The following SMAP1 variants were observed in gnomAD, a reference collection of about 807,000 sequenced individuals.
The protein encoded by SMAP1 is stromal membrane-associated protein 1.
SMAP1 carries 24 observed loss-of-function variants against 58.5 expected under a neutral mutation model. That is an observed-to-expected ratio of 0.41 (90% confidence interval 0.30 to 0.58). The LOEUF (loss-of-function observed/expected upper bound fraction) is 0.58, where lower values mean the gene tolerates loss of function less well. Among genes scored for constraint, SMAP1 ranks in the 20% least tolerant of loss-of-function variants. The pLI, the probability that SMAP1 is intolerant of heterozygous loss-of-function variation, is 0.29. For synonymous variants in SMAP1, 216 were observed against 196.6 expected (o/e 1.10, Z -0.82); for missense variants, 563 against 566.3 (o/e 0.99, Z 0.06).
At chr6:70,704,010 T>G (rs1419703863) in intron 1 of SMAP1, among the ~76,000 whole-genome samples, 1 of 152,256 alleles carries the variant, frequency 6.6e-6, no homozygotes, top group Non-Finnish European at 1.5e-5. Context: ...TTAAAGTTGC[T>G]TTAGTCGATT....
At chr6:70,675,637 C>T (rs140649840) in intron 1 of SMAP1, among the ~76,000 whole-genome samples, 177 of 144,320 alleles carry the variant, frequency 1.2e-3, no homozygotes, top group African/African-American at 4.2e-3. Flanking sequence ...GGCAACAGAG[C>T]GAGACTCCAT....
At position 70,667,955 on chromosome 6, in the gene SMAP1, A is replaced by T; in HGVS notation, c.-69A>T. The stretch of plus-strand genomic sequence containing the variant: ...GGTCCCGGCGGCGCCAGGTGCGTTC[A>T]CTCTGCCCGGCTCCAGCCAGCGTCC... On this transcript the variant is annotated 5_prime_UTR_variant, in exon 1 of 11. Transcript: ENST00000370455. The T allele has an allele frequency of 2.1e-6, 3 of 1,402,718 alleles. No individual in the cohort carries two copies. Among genetic ancestry groups the T allele is most frequent in the Non-Finnish European group, 2.9e-6 (3 of 1,031,796 alleles). The allele number at this position is 1,402,718 out of a possible 1,614,324, so 86.9% of individuals were successfully genotyped here.
chr6:70,687,142 C>G (rs1309111482), intron 1 of SMAP1, among the ~76,000 whole-genome samples: 1 of 152,098 alleles, frequency 6.6e-6, no homozygotes, highest in Non-Finnish European at 1.5e-5. Flanking sequence ...TGGCTAGGAG[C>G]TAATGTATTG....
intron 2 of SMAP1, among the ~76,000 whole-genome samples, chr6:70,741,041 A>C (rs1267508152): frequency 5.9e-5 from 9 of 152,180 alleles, no homozygotes; most frequent in African/African-American, 2.2e-4. Flanking sequence ...CCCACAACAC[A>C]TGGGAATTAT....
chr6:70,783,638 A>G (rs150576321), intron 4 of SMAP1, among the ~76,000 whole-genome samples: 3,662 of 152,368 alleles, frequency 0.024, 66 homozygotes, highest in Non-Finnish European at 0.038. Context: ...CCAAGGCTCA[A>G]GAACTACATG....
chr6:70,799,700 T>C (rs2149954044), intron 6 of SMAP1, among the ~76,000 whole-genome samples: 1 of 152,330 alleles, frequency 6.6e-6, no homozygotes, highest in Admixed American at 6.5e-5. Flanking sequence ...ACATTTGGAT[T>C]ATATACAGGT....
intron 2 of SMAP1, among the ~76,000 whole-genome samples, chr6:70,751,146 A>G (rs1377984605): frequency 6.6e-6 from 1 of 152,142 alleles, no homozygotes; most frequent in African/African-American, 2.4e-5. Flanking sequence ...AGGCTGAGGC[A>G]GGAGAATCAC....
intron 7 of SMAP1, among the ~76,000 whole-genome samples, chr6:70,844,753 CAT>C (rs1294874540): frequency 2.6e-5 from 4 of 152,092 alleles, no homozygotes; most frequent in Admixed American, 2.0e-4. Flanking sequence ...TAAAATAAGA[CAT>C]GTGAGTTGAT....
chr6:70,825,511 G>GCTAC (rs553472065), intron 6 of SMAP1, among the ~76,000 whole-genome samples: 1 of 152,018 alleles, frequency 6.6e-6, no homozygotes, highest in African/African-American at 2.4e-5. Context: ...TATAGCTGTA[G>GCTAC]GTATAGCCAC....
intron 1 of SMAP1, among the ~76,000 whole-genome samples, chr6:70,692,365 A>G (rs1767206388): frequency 6.6e-6 from 1 of 152,148 alleles, no homozygotes; most frequent in African/African-American, 2.4e-5. Context: ...GTTTGTAAAT[A>G]TCTTATCTTA....
rs199990479 is a variant in SMAP1 at position 70,861,787 on chromosome 6, C to T, written c.*1453C>T. 1.7e-5 allele frequency: 27 copies of T among 1,614,050 alleles called. No individual in the cohort carries two copies. The African/African-American group carries it at 3.2e-4, about 19-fold the overall frequency. ...GAAATAGCTTGGGTAGCGCACTCTTCATGGTGACACTCGAGGTCGGGCAGC... is the reference window on the plus strand; with the variant it reads ...GAAATAGCTTGGGTAGCGCACTCTTTATGGTGACACTCGAGGTCGGGCAGC... On this transcript the variant is annotated 3_prime_UTR_variant, in exon 11 of 11. Transcript: ENST00000370455.
At position 70,752,363 on chromosome 6, in the gene SMAP1, G is replaced by C. The variant is rs189326997; in HGVS notation, c.253-2617G>C. 3.3e-5 allele frequency among the ~76,000 whole-genome samples: 5 copies of C among 152,272 alleles called. No individual in the cohort carries two copies. The East Asian group carries it at 7.7e-4, about 24-fold the overall frequency. On this transcript the variant is annotated intron_variant, in intron 2 of 10. Coordinates refer to ENST00000370455, the MANE Select transcript of SMAP1 (RefSeq NM_001044305.3). ...ATTGATGGGTGATGTTGGTTCTATTGCAAGTTGAATTATGGAGACTGATAG... is the reference window on the plus strand; with the variant it reads ...ATTGATGGGTGATGTTGGTTCTATTCCAAGTTGAATTATGGAGACTGATAG...
At chr6:70,739,825 A>T (rs921527213) in intron 2 of SMAP1, among the ~76,000 whole-genome samples, 2 of 151,264 alleles carry the variant, frequency 1.3e-5, no homozygotes, top group Admixed American at 1.3e-4. Context: ...TTCTTAGACT[A>T]TTATTTGTTG....
intron 1 of SMAP1, among the ~76,000 whole-genome samples, chr6:70,691,999 A>T (rs1767189462): frequency 1.3e-5 from 2 of 152,122 alleles, no homozygotes; most frequent in Non-Finnish European, 2.9e-5. Flanking sequence ...GCTGGATCGT[A>T]TGGTAGGTCT....
At chr6:70,702,820 A>G (rs1392435327) in intron 1 of SMAP1, among the ~76,000 whole-genome samples, 1 of 152,030 alleles carries the variant, frequency 6.6e-6, no homozygotes, top group African/African-American at 2.4e-5. Flanking sequence ...TTATAGAGAC[A>G]GGGTCTTGGC....
At chr6:70,674,842 G>A (rs1766409674) in intron 1 of SMAP1, among the ~76,000 whole-genome samples, 1 of 152,164 alleles carries the variant, frequency 6.6e-6, no homozygotes, top group South Asian at 2.1e-4. Flanking sequence ...AGGTGCAGTG[G>A]CACATGCCTG....
At chr6:70,703,529 A>G (rs945351218) in intron 1 of SMAP1, among the ~76,000 whole-genome samples, 1 of 152,222 alleles carries the variant, frequency 6.6e-6, no homozygotes, top group African/African-American at 2.4e-5. Flanking sequence ...TTACTAGGTG[A>G]GACTACAGGA....
intron 4 of SMAP1, among the ~76,000 whole-genome samples, chr6:70,784,943 C>T (rs1321298569): frequency 6.6e-6 from 1 of 152,112 alleles, no homozygotes; most frequent in Admixed American, 6.5e-5. Context: ...CAGCTCTGCA[C>T]CAAGTGGACC....
intron 5 of SMAP1, among the ~76,000 whole-genome samples, chr6:70,795,095 A>T (rs1402541416): frequency 1.3e-5 from 2 of 152,126 alleles, no homozygotes; most frequent in South Asian, 4.2e-4. Flanking sequence ...TGCTATTGTG[A>T]ATAGTGCTGC....
Sources: allele counts gnomAD v4.1 joint callset (sites outside exome capture counted in the v4.1 genomes callset), GRCh38; gene constraint gnomAD v4.1.1; transcripts MANE v1.5; gene names NCBI Gene and HGNC (gene_info 2026-07-23, HGNC 2026-07-21).